The following KMT2A variants were observed in gnomAD, a reference collection of about 807,000 sequenced individuals.
The protein encoded by KMT2A is histone-lysine N-methyltransferase 2A.
In KMT2A, 16 loss-of-function variants were observed where a neutral mutation model predicts 345.3. That is an observed-to-expected ratio of 0.05 (90% CI 0.03 to 0.07). KMT2A has a LOEUF of 0.07. Ranked by LOEUF, KMT2A falls within the 10% of genes least tolerant of loss-of-function variation. The probability of loss-of-function intolerance (pLI) is 1.00; values close to 1 mark genes in which losing one functional copy is unlikely to be tolerated. For missense variants in KMT2A, 3,272 were observed against 4,841.6 expected, an observed-to-expected ratio of 0.68 and a Z score of 9.62; for synonymous variants, 1,599 against 1,778.6, an observed-to-expected ratio of 0.90 and a Z score of 2.54.
intron 1 of KMT2A, chr11:118,458,165 C>G (rs1555031427): frequency 7.5e-6 from 3 of 399,708 alleles, no homozygotes; most frequent in South Asian, 1.8e-5. Context: ...TTCACTGCAG[C>G]CTGTATCTTC....
chr11:118,464,552 A>G (rs568722128), intron 1 of KMT2A, among the ~76,000 whole-genome samples: 1 of 152,126 alleles, frequency 6.6e-6, no homozygotes, highest in Non-Finnish European at 1.5e-5. Context: ...AAAAAAAAAA[A>G]AAAAACCTAA....
At position 118,498,302 on chromosome 11, in the gene KMT2A, G is replaced by C. The variant is rs563247438; in HGVS notation, c.5803-68G>C. 1.1e-5 allele frequency: 16 copies of C among 1,419,826 alleles called. No homozygotes were observed. The highest frequency in any genetic ancestry group is 1.4e-5 in the Non-Finnish European group (15 of 1,038,262). The allele number at this position is 1,419,826 out of a possible 1,614,324, so 88.0% of individuals were successfully genotyped here. On this transcript the variant is annotated intron_variant, in intron 21 of 35. Transcript: ENST00000534358. This position sits in a 1 kb window ranked among gnomAD's most constrained non-coding sequence, Gnocchi z 4.4. ...AACTGTAGAATGGGATGAGTCTATA[G>C]AGGAGACGGTAAACGTCTTAAAACA...
At chr11:118,481,152 T>C (rs1296833847) in intron 6 of KMT2A, among the ~76,000 whole-genome samples, 19 of 152,236 alleles carry the variant, frequency 1.2e-4, no homozygotes, top group African/African-American at 4.6e-4. Context: ...TTGACTGTAA[T>C]CACCCTGTTG....
At chr11:118,461,399 G>T (rs1555032619) in intron 1 of KMT2A, among the ~76,000 whole-genome samples, 3 of 152,156 alleles carry the variant, frequency 2.0e-5, no homozygotes, top group Non-Finnish European at 4.4e-5. Context: ...ACATTACATA[G>T]CTTAATTTGC....
chr11:118,494,820 AGTT>A lies in KMT2A; in HGVS notation c.5363+54_5363+56del. On this transcript the variant is annotated intron_variant, in intron 18 of 35. Coordinates refer to ENST00000534358, the MANE Select transcript of KMT2A (RefSeq NM_001197104.2). This position sits in a 1 kb window ranked among gnomAD's most constrained non-coding sequence, Gnocchi z 5.8. The stretch of plus-strand genomic sequence containing the variant: ...TCTCCTCATCGGCTAGAAATCTGAG[AGTT>A]CTCATATTTCTAGATTGCAGTTTTC... 3.6e-6 allele frequency: 5 copies of A among 1,396,074 alleles called. No homozygotes were observed. The South Asian group carries it at 6.0e-5, about 17-fold the overall frequency. The allele number at this position is 1,396,074 out of a possible 1,614,324, so 86.5% of individuals were successfully genotyped here.
At chr11:118,470,712 C>G (rs966139293) in intron 2 of KMT2A, among the ~76,000 whole-genome samples, 1 of 152,012 alleles carries the variant, frequency 6.6e-6, no homozygotes, top group Non-Finnish European at 1.5e-5. Flanking sequence ...TCTTTTGGTG[C>G]CTATTAAGGG....
intron 28 of KMT2A, 62 bp from the exon 29 acceptor site, chr11:118,509,073 TG>T: frequency 7.0e-7 from 1 of 1,418,616 alleles, no homozygotes; most frequent in Non-Finnish European, 9.9e-7. Flanking sequence ...TAGAAAATTC[TG>T]GGTTTTTTCT....
chr11:118,502,272 A>C lies in KMT2A; in HGVS notation c.6506-126A>C. 1 of 579,192 alleles carries C rather than the reference A, an allele frequency of 1.7e-6. No individual in the cohort carries two copies. Among genetic ancestry groups the C allele is most frequent in the Non-Finnish European group, 2.7e-6 (1 of 367,746 alleles). 35.9% of individuals were successfully genotyped at this position (579,192 alleles called of 1,614,324 possible). ...TGTCTCAAAAAAGTAATAATAAATA[A>C]ATAGAAAATGTAGATTTCCAGTTAC... On this transcript the variant is annotated intron_variant, in intron 26 of 35. Transcript: ENST00000534358. The surrounding 1 kb of genome is among the most constrained non-coding windows in gnomAD (Gnocchi z 4.9).
intron 2 of KMT2A, among the ~76,000 whole-genome samples, chr11:118,471,347 G>GA (rs1384109505): frequency 5.9e-5 from 9 of 152,230 alleles, no homozygotes; most frequent in Admixed American, 2.0e-4. Flanking sequence ...TTTGAATTCA[G>GA]AAAAAACCTT....
chr11:118,474,144 A>G lies in KMT2A; in HGVS notation c.2985A>G (p.Ser995=), dbSNP rs782715103. 8 of 1,614,186 alleles carry G rather than the reference A, an allele frequency of 5.0e-6. No individual in the cohort carries two copies. Among genetic ancestry groups the G allele is most frequent in the Non-Finnish European group, 6.8e-6 (8 of 1,180,010 alleles). ...KEKTLCLSTP[S]SSTVKHSTSS... is the part of the protein sequence containing the mutation. ...AAACCCTCTGCCTTTCCACTCCTTC[A>G]TCTAGCACTGTTAAACATTCCACTT... Residue 995 remains serine (S), a synonymous_variant, in exon 3 of 36, where the codon TCA becomes TCG. Transcript: ENST00000534358.
Position 118,502,594 on chromosome 11 carries a change from G to C in KMT2A, c.6702G>C (p.Gly2234=). 1 of 1,614,068 alleles carries C rather than the reference G, an allele frequency of 6.2e-7. No homozygotes were observed. Among genetic ancestry groups the C allele is most frequent in the Non-Finnish European group, 8.5e-7 (1 of 1,180,002 alleles). The change falls in exon 27 of 36, where the codon GGG becomes GGC. Residue 2234 remains glycine (G), a synonymous_variant. Coordinates refer to ENST00000534358, the MANE Select transcript of KMT2A (RefSeq NM_001197104.2). This position sits in a 1 kb window ranked among gnomAD's most constrained non-coding sequence, Gnocchi z 4.9. ...RNNVSSVSTT[G]TATDLESSAK... ...ATGTTTCCTCAGTCTCCACCACCGG[G>C]ACCGCTACTGATCTTGAATCAAGTG...
At chr11:118,516,052 G>A (rs1430153040) in intron 31 of KMT2A, among the ~76,000 whole-genome samples, 2 of 152,130 alleles carry the variant, frequency 1.3e-5, no homozygotes, top group Non-Finnish European at 2.9e-5. Context: ...CATCTGGGGT[G>A]GAAGGTTTAG....
rs1208549433 is a variant in KMT2A, at chr11:118,510,344, C to A, written c.11071+226C>A. ...TACAGATTATGTTTTCAACATTGCACACACCTTAGCGGAGCCCCTGAGAAC... is the reference window on the plus strand; with the variant it reads ...TACAGATTATGTTTTCAACATTGCAAACACCTTAGCGGAGCCCCTGAGAAC... On this transcript the variant is annotated intron_variant, in intron 30 of 35. Coordinates refer to ENST00000534358, the MANE Select transcript of KMT2A (RefSeq NM_001197104.2). The surrounding 1 kb of genome is among the most constrained non-coding windows in gnomAD (Gnocchi z 4.1). 6.6e-6 allele frequency among the ~76,000 whole-genome samples: 1 copy of A among 152,184 alleles called. No individual in the cohort carries two copies. The highest frequency in any genetic ancestry group is 1.5e-5 in the Non-Finnish European group (1 of 68,032).
At chr11:118,449,348 A>C (rs1335445339) in intron 1 of KMT2A, 1 of 152,056 alleles carries the variant, frequency 6.6e-6, no homozygotes, top group Non-Finnish European at 1.5e-5. Context: ...GCTTAAGGCC[A>C]GGAGTTCAAG....
intron 2 of KMT2A, 45 bp from the exon 3 acceptor site, chr11:118,471,617 A>G: frequency 7.2e-7 from 1 of 1,380,572 alleles, no homozygotes; most frequent in Non-Finnish European, 9.9e-7. Context: ...AACCTAAACT[A>G]CACAGCTAAA....
In KMT2A at chr11:118,493,351, A is replaced by G. The variant is rs1289266036; in HGVS notation, c.5178+121A>G. 6.8e-6 allele frequency: 5 copies of G among 731,644 alleles called. No homozygotes were observed. Among genetic ancestry groups the G allele is most frequent in the Non-Finnish European group, 1.0e-5 (5 of 478,366 alleles). The allele number at this position is 731,644 out of a possible 1,614,324, so 45.3% of individuals were successfully genotyped here. ...GAATTGTATTATATTTAGAAATGTCACGTGGCTTTAGATACCTAAAAATGT... is the reference window on the plus strand; with the variant it reads ...GAATTGTATTATATTTAGAAATGTCGCGTGGCTTTAGATACCTAAAAATGT... On this transcript the variant is annotated intron_variant, in intron 16 of 35. Transcript: ENST00000534358. This position sits in a 1 kb window ranked among gnomAD's most constrained non-coding sequence, Gnocchi z 5.8.
At chr11:118,513,208 C>T (rs576385136) in intron 31 of KMT2A, among the ~76,000 whole-genome samples, 2 of 152,180 alleles carry the variant, frequency 1.3e-5, no homozygotes, top group East Asian at 3.9e-4. Flanking sequence ...CTTAGCACTG[C>T]ACTCCAGCCT....
At chr11:118,478,923 C>T (rs1950084672) in intron 5 of KMT2A, among the ~76,000 whole-genome samples, 1 of 152,012 alleles carries the variant, frequency 6.6e-6, no homozygotes, top group South Asian at 2.1e-4. Context: ...TGCTTGGCCT[C>T]ATATGAAATT....
In KMT2A at chr11:118,525,200, G is replaced by A. The variant is rs1235767789; in HGVS notation, c.*3028G>A. ...AGTGCAGATTGAGGAATTGTGATGG[G>A]TCATTCCCAAGAATCCCCCAAGGGG... On this transcript the variant is annotated 3_prime_UTR_variant, in exon 36 of 36. Transcript: ENST00000534358. The A allele has an allele frequency of 1.7e-5, 4 of 231,630 alleles. No homozygotes were observed. The highest frequency in any genetic ancestry group is 3.4e-5 in the Non-Finnish European group (4 of 117,146). The allele number at this position is 231,630 out of a possible 1,614,324, so 14.3% of individuals were successfully genotyped here.
Sources: gnomAD v4.1 joint callset for allele counts (sites outside exome capture counted in the v4.1 genomes callset) on GRCh38, gnomAD v4.1.1 for gene constraint, Gnocchi (gnomAD v3.1) non-coding constraint, MANE v1.5 for transcripts, NCBI Gene and HGNC (gene_info 2026-07-23, HGNC 2026-07-21) for gene names.